The following FGF14 variants were observed in gnomAD, a reference collection of about 807,000 sequenced individuals.
The protein encoded by FGF14 is fibroblast growth factor 14.
Under a neutral mutation model 25.5 loss-of-function variants are expected in FGF14, and 5 were observed. The ratio of observed to expected loss-of-function variants is 0.20; its 90% CI spans 0.10 to 0.41. The LOEUF is 0.41. FGF14 is among the 10% of genes least tolerant of loss of function. The pLI, the probability that FGF14 is intolerant of heterozygous loss-of-function variation, is 1.00. For missense variants in FGF14, 222 were observed against 320.1 expected (o/e 0.69, Z 2.34); for synonymous variants, 138 against 118.3 (o/e 1.17, Z -1.08).
chr13:101,773,020 G>A (rs1007770331), intron 3 of FGF14, among the ~76,000 whole-genome samples: 1 of 152,088 alleles, frequency 6.6e-6, no homozygotes, highest in African/African-American at 2.4e-5. Context: ...TTTGATTAAG[G>A]AAAGGTGTGG....
chr13:102,197,717 G>T (rs183067393), intron 1 of FGF14, among the ~76,000 whole-genome samples: 1 of 151,680 alleles, frequency 6.6e-6, no homozygotes, highest in East Asian at 1.9e-4. Flanking sequence ...CATAACACAC[G>T]TATAGATATA....
chr13:101,788,171 C>T (rs1031830621), intron 3 of FGF14, among the ~76,000 whole-genome samples: 9 of 152,152 alleles, frequency 5.9e-5, no homozygotes, highest in African/African-American at 2.2e-4. Flanking sequence ...CACCCCTGCC[C>T]CCTGCCCCCT....
chr13:101,847,239 CTG>C (rs961726807), intron 3 of FGF14, among the ~76,000 whole-genome samples: 3 of 151,950 alleles, frequency 2.0e-5, no homozygotes, highest in East Asian at 1.9e-4. Flanking sequence ...TACAAAGAAA[CTG>C]TAGTTTTATA....
intron 1 of FGF14, among the ~76,000 whole-genome samples, chr13:102,037,384 G>C (rs1033872499): frequency 5.9e-5 from 9 of 151,886 alleles, no homozygotes; most frequent in African/African-American, 2.2e-4. Flanking sequence ...GTCTTCCTTG[G>C]CTCATGGCCT....
intron 1 of FGF14, among the ~76,000 whole-genome samples, chr13:102,285,661 A>C (rs534412100): frequency 6.6e-6 from 1 of 152,364 alleles, no homozygotes; most frequent in African/African-American, 2.4e-5. Flanking sequence ...ATCTCTGTGA[A>C]CTAGCCAAAT....
At chr13:101,795,744 A>G (rs913462) in intron 3 of FGF14, among the ~76,000 whole-genome samples, 63,229 of 152,022 alleles carry the variant, frequency 0.42, 15,323 homozygotes, top group Non-Finnish European at 0.54. Flanking sequence ...CTTAGGATGC[A>G]CACACAATCA....
chr13:102,275,862 A>G (rs574011835), intron 1 of FGF14, among the ~76,000 whole-genome samples: 3 of 152,148 alleles, frequency 2.0e-5, no homozygotes, highest in Non-Finnish European at 4.4e-5. Context: ...ACATATATAC[A>G]AGACAGAATG....
chr13:102,097,842 C>A (rs61966547), intron 1 of FGF14, among the ~76,000 whole-genome samples: 4,480 of 152,262 alleles, frequency 0.029, 79 homozygotes, highest in Non-Finnish European at 0.036. Context: ...ACAACTGCCA[C>A]GTGTGTAAAG....
intron 1 of FGF14, among the ~76,000 whole-genome samples, chr13:102,116,615 G>A (rs920262360): frequency 3.3e-5 from 5 of 152,066 alleles, no homozygotes; most frequent in Admixed American, 6.5e-5. Flanking sequence ...TGCCAGAATG[G>A]GCAAATTAAT....
intron 1 of FGF14, among the ~76,000 whole-genome samples, chr13:102,078,588 CA>C (rs755307692): frequency 1.2e-4 from 18 of 152,242 alleles, no homozygotes; most frequent in African/African-American, 2.2e-4. Context: ...AAGCAGGTAT[CA>C]GGGGAGGCTT....
At chr13:102,234,645 GATTAC>G (rs1594519940) in intron 1 of FGF14, among the ~76,000 whole-genome samples, 1 of 152,214 alleles carries the variant, frequency 6.6e-6, no homozygotes, top group South Asian at 2.1e-4. Flanking sequence ...AATGTTGAGA[GATTAC>G]ATTACTATCT....
At chr13:102,374,226 T>C (rs115474403) in intron 1 of FGF14, among the ~76,000 whole-genome samples, 288 of 152,242 alleles carry the variant, frequency 1.9e-3, no homozygotes, top group African/African-American at 6.6e-3. Flanking sequence ...TTATTTACAC[T>C]TCTCTTTCAA....
rs1198920731 is a variant in FGF14, at chr13:102,016,345, AT to A, written c.209-141050del. ...TGAAAAGATTTTTAAAATTTTAAAT[AT>A]AATGCAAAATAAATATTTTAAATTT... On this transcript the variant is annotated intron_variant, in intron 1 of 4. Transcript: ENST00000376131. Among the ~76,000 whole-genome samples, 15 of 152,158 alleles carry A rather than the reference AT, an allele frequency of 9.9e-5. No homozygotes were observed. The East Asian group carries it at 2.9e-3, about 29-fold the overall frequency.
intron 1 of FGF14, among the ~76,000 whole-genome samples, chr13:101,989,799 A>C (rs533712659): frequency 1.8e-4 from 27 of 152,134 alleles, no homozygotes; most frequent in Middle Eastern, 3.2e-3. Context: ...GTTCTCTAGT[A>C]CAGGATCTTT....
At chr13:101,905,650 A>G (rs2032150248) in intron 1 of FGF14, among the ~76,000 whole-genome samples, 1 of 152,128 alleles carries the variant, frequency 6.6e-6, no homozygotes, top group South Asian at 2.1e-4. Flanking sequence ...ATGTATACCT[A>G]TGTAACAAAA....
intron 3 of FGF14, among the ~76,000 whole-genome samples, chr13:101,857,708 ATCTT>A (rs1404993815): frequency 1.3e-5 from 2 of 151,914 alleles, no homozygotes; most frequent in Non-Finnish European, 2.9e-5. Flanking sequence ...ATCTGCGTCT[ATCTT>A]TGTCATCACT....
At chr13:102,382,212 A>G (rs572557876) in intron 1 of FGF14, among the ~76,000 whole-genome samples, 109 of 152,272 alleles carry the variant, frequency 7.2e-4, no homozygotes, top group African/African-American at 2.6e-3. Context: ...ACAGAATGGG[A>G]TAAAATACTT....
chr13:101,739,654 G>T (rs1246290294), intron 3 of FGF14, among the ~76,000 whole-genome samples: 1 of 152,134 alleles, frequency 6.6e-6, no homozygotes, highest in Non-Finnish European at 1.5e-5. Context: ...AGAAAACAAC[G>T]AAATCAGAAT....
At chr13:101,845,247 A>G (rs35649295) in intron 3 of FGF14, among the ~76,000 whole-genome samples, 1 of 152,076 alleles carries the variant, frequency 6.6e-6, no homozygotes, top group African/African-American at 2.4e-5. Context: ...CTACGTTTGC[A>G]TGTCGAAGCA....
Sources: allele counts gnomAD v4.1 joint callset (sites outside exome capture counted in the v4.1 genomes callset), GRCh38; gene constraint gnomAD v4.1.1; transcripts MANE v1.5; gene names NCBI Gene and HGNC (gene_info 2026-07-23, HGNC 2026-07-21).